TP53BP1: variants seen among roughly 807,000 people sequenced by gnomAD.
The protein encoded by TP53BP1 is tumor protein p53 binding protein 1.
Under a neutral mutation model 200.8 loss-of-function variants are expected in TP53BP1, and 61 were observed. The ratio of observed to expected loss-of-function variants is 0.30; its 90% CI spans 0.25 to 0.38. The LOEUF (loss-of-function observed/expected upper bound fraction) is 0.38. Among genes scored for constraint, TP53BP1 ranks in the 10% least tolerant of loss-of-function variants. TP53BP1 has a pLI of 1.00. For synonymous variants in TP53BP1, 822 were observed against 844.3 expected (o/e 0.97, Z 0.46); for missense variants, 2,144 against 2,371.9 (o/e 0.90, Z 2.00).
At chr15:43,414,416 G>A (rs535414862) in intron 23 of TP53BP1, among the ~76,000 whole-genome samples, 88 of 152,318 alleles carry the variant, frequency 5.8e-4, no homozygotes, top group Middle Eastern at 3.4e-3. Flanking sequence ...CAGCAGTTGG[G>A]TAGATAAGGA....
chr15:43,445,732 C>T (rs1303413891), intron 14 of TP53BP1, among the ~76,000 whole-genome samples: 2 of 152,182 alleles, frequency 1.3e-5, no homozygotes, highest in East Asian at 1.9e-4. Context: ...CTGGCACCAT[C>T]GTTCTGCCTA....
At position 43,447,737 on chromosome 15, in the gene TP53BP1, T is replaced by C. The variant is rs1235756986; in HGVS notation, c.2717-252A>G. On this transcript the variant is annotated intron_variant, in intron 12 of 27. Transcript: ENST00000382044. ...AGTAGACAACCAGAGGACAGGCAAATTGAGAAAGCCCGAAGTCTGCAAGAC... is the reference window on the plus strand; with the variant it reads ...AGTAGACAACCAGAGGACAGGCAAACTGAGAAAGCCCGAAGTCTGCAAGAC... Among the ~76,000 whole-genome samples the C allele has an allele frequency of 3.3e-5, 5 of 151,778 alleles. No homozygotes were observed. The East Asian group carries it at 7.8e-4, about 24-fold the overall frequency.
At chr15:43,463,484 T>C (rs547016257) in intron 11 of TP53BP1, among the ~76,000 whole-genome samples, 3 of 152,200 alleles carry the variant, frequency 2.0e-5, no homozygotes, top group Admixed American at 6.5e-5. Flanking sequence ...AAGAATAAGT[T>C]TGACATATAA....
At chr15:43,447,819 A>C (rs1001424683) in intron 12 of TP53BP1, among the ~76,000 whole-genome samples, 18 of 152,342 alleles carry the variant, frequency 1.2e-4, no homozygotes, top group African/African-American at 4.3e-4. Context: ...ACAGTACATC[A>C]GGGGATATTT....
chr15:43,509,194 G>GA (rs1397044165), intron 1 of TP53BP1, among the ~76,000 whole-genome samples: 1 of 103,922 alleles, frequency 9.6e-6, no homozygotes, highest in Non-Finnish European at 1.9e-5. Flanking sequence ...CAAACGGGGG[G>GA]GGGGGGGGCA....
At chr15:43,447,210 T>C (rs2046062433) in intron 13 of TP53BP1, 156 bp downstream of exon 13, 1 of 703,604 alleles carries the variant, frequency 1.4e-6, no homozygotes, top group Non-Finnish European at 2.3e-6. Flanking sequence ...CTCCTAGTAG[T>C]AAAATCACAG....
chr15:43,493,906 A>G (rs931803729), upstream of TP53BP1, among the ~76,000 whole-genome samples: 4 of 152,210 alleles, frequency 2.6e-5, no homozygotes. Context: ...GTCATTCTCA[A>G]ACTCCATGGT....
intron 9 of TP53BP1, 50 bp from the exon 10 acceptor site, chr15:43,474,817 G>C (rs767063119): frequency 3.7e-6 from 5 of 1,345,828 alleles, no homozygotes; most frequent in Non-Finnish European, 4.2e-6. Context: ...CCACAGTTTT[G>C]CATTTCTGTA....
intron 11 of TP53BP1, among the ~76,000 whole-genome samples, chr15:43,468,360 CAT>C (rs2046639325): frequency 6.6e-6 from 1 of 152,044 alleles, no homozygotes; most frequent in African/African-American, 2.4e-5. Context: ...GCCCTGGCAA[CAT>C]AGTGATACCC....
chr15:43,422,856 G>A (rs542559513), intron 18 of TP53BP1, among the ~76,000 whole-genome samples: 5 of 151,788 alleles, frequency 3.3e-5, no homozygotes, highest in East Asian at 3.9e-4. Context: ...TTAGCCAGGC[G>A]TGGGAGTGCA....
chr15:43,493,802 A>C (rs2079161426), upstream of TP53BP1, among the ~76,000 whole-genome samples: 1 of 152,076 alleles, frequency 6.6e-6, no homozygotes, highest in Admixed American at 6.5e-5. Context: ...CAAGCTTCAC[A>C]CTTGTTTATC....
At position 43,477,700 on chromosome 15, in the gene TP53BP1, T is replaced by C; in HGVS notation, c.848A>G (p.Gln283Arg). The C allele has an allele frequency of 6.2e-7, 1 of 1,613,404 alleles. No homozygotes were observed. The highest frequency in any genetic ancestry group is 8.5e-7 in the Non-Finnish European group (1 of 1,179,758). Reference protein sequence around the residue: ...ASVAAMEAKEQLSAQELMESG... With the variant: ...ASVAAMEAKERLSAQELMESG... ...TTCCATAAGTTCTTGTGCAGACAAC[T>C]GTTCTTTTGCTTCCATAGCAGCAAC... The change falls in exon 8 of 28, where the codon CAG becomes CGG. Residue 283 changes from glutamine to arginine, a missense_variant. Coordinates refer to ENST00000382044, the MANE Select transcript of TP53BP1 (RefSeq NM_001141980.3).
At chr15:43,419,127 G>A (rs1306952976) in intron 21 of TP53BP1, among the ~76,000 whole-genome samples, 3 of 152,176 alleles carry the variant, frequency 2.0e-5, no homozygotes, top group Admixed American at 6.5e-5. Flanking sequence ...GACTGAGGCA[G>A]GAGACTCACT....
At chr15:43,476,560 T>C (rs2140112752) in intron 8 of TP53BP1, among the ~76,000 whole-genome samples, 1 of 152,358 alleles carries the variant, frequency 6.6e-6, no homozygotes, top group Non-Finnish European at 1.5e-5. Flanking sequence ...TGTTGGTCCC[T>C]TCCCCTTAGC....
At chr15:43,479,331 G>A in intron 7 of TP53BP1, 66 bp downstream of exon 7, 1 of 1,432,970 alleles carries the variant, frequency 7.0e-7, no homozygotes, top group Non-Finnish European at 9.3e-7. Flanking sequence ...GTTTTCATCT[G>A]GTAAAATGAC....
rs1566969499 is a variant in TP53BP1, at chr15:43,493,024, CT to C, written c.7+12del. The C allele has an allele frequency of 1.2e-6, 2 of 1,613,092 alleles. No individual in the cohort carries two copies. The highest frequency in any genetic ancestry group is 4.5e-5 in the East Asian group (2 of 44,818). ...CAGAGCCCACTGCACTCCCATTTCT[CT>C]CCAAACAGTACCAGGCATCCCGGCG... On this transcript the variant is annotated intron_variant, in intron 1 of 27. Coordinates refer to ENST00000382044, the MANE Select transcript of TP53BP1 (RefSeq NM_001141980.3).
At chr15:43,488,640 T>C (rs538510071) in intron 4 of TP53BP1, among the ~76,000 whole-genome samples, 1 of 152,306 alleles carries the variant, frequency 6.6e-6, no homozygotes, top group Non-Finnish European at 1.5e-5. Flanking sequence ...ACACCTGTAA[T>C]CCCAGCACTT....
At position 43,420,626 on chromosome 15, in the gene TP53BP1, G is replaced by A. The variant is rs1201648831; in HGVS notation, c.4360C>T (p.Arg1454Ter). 1.2e-6 allele frequency: 2 copies of A among 1,614,150 alleles called. No individual in the cohort carries two copies. The highest frequency in any genetic ancestry group is 1.7e-6 in the Non-Finnish European group (2 of 1,180,028). The change falls in exon 21 of 28, where the codon CGA (arginine) becomes TGA (stop). Residue 1454 changes from arginine to a stop codon, truncating the protein, a stop_gained. Coordinates refer to ENST00000382044, the MANE Select transcript of TP53BP1 (RefSeq NM_001141980.3). LOFTEE classifies it high-confidence loss of function. ...VVPRVPDSTRRTDVGAGALRR... is the reference protein window; with the variant it reads ...VVPRVPDSTR ...AAAGCACCAGCACCCACATCTGTTC[G>A]TCTGGTGGAGTCTGGCACTCGGGGC...
chr15:43,421,087 A>G lies in TP53BP1; in HGVS notation c.4188T>C (p.Ala1396=). The part of the protein sequence containing the change: ...AGLGIRQGGK[A]PVTPRGRGRR... ...GCCCACGCCCACGAGGCGTGACTGGAGCCTTCCCTCCCTGTCTGATGCCAA... is the reference window on the plus strand; with the variant it reads ...GCCCACGCCCACGAGGCGTGACTGGGGCCTTCCCTCCCTGTCTGATGCCAA... Residue 1396 remains alanine (A), a synonymous_variant, in exon 20 of 28, where the codon GCT becomes GCC. Coordinates refer to ENST00000382044, the MANE Select transcript of TP53BP1 (RefSeq NM_001141980.3). The G allele has an allele frequency of 6.2e-7, 1 of 1,614,192 alleles. No individual in the cohort carries two copies. Among genetic ancestry groups the G allele is most frequent in the Non-Finnish European group, 8.5e-7 (1 of 1,180,026 alleles).
Sources: gnomAD v4.1 joint callset for allele counts (sites outside exome capture counted in the v4.1 genomes callset) on GRCh38, gnomAD v4.1.1 for gene constraint, MANE v1.5 for transcripts, NCBI Gene and HGNC (gene_info 2026-07-23, HGNC 2026-07-21) for gene names.